PLEKHA7: variants seen among roughly 807,000 people sequenced by gnomAD.
The protein encoded by PLEKHA7 is pleckstrin homology domain containing A7.
PLEKHA7 carries 104 observed loss-of-function variants against 170.0 expected under a neutral mutation model. The ratio of observed to expected loss-of-function variants is 0.61; its 90% CI spans 0.52 to 0.72. The LOEUF (loss-of-function observed/expected upper bound fraction) is 0.72, where lower values mean the gene tolerates loss of function less well. Ranked by LOEUF, PLEKHA7 falls within the 30% of genes least tolerant of loss-of-function variation. The probability of loss-of-function intolerance (pLI) is 0.00; values close to 1 mark genes in which losing one functional copy is unlikely to be tolerated. For synonymous variants in PLEKHA7, 648 were observed against 660.8 expected (o/e 0.98, Z 0.30); for missense variants, 1,615 against 1,671.7 (o/e 0.97, Z 0.59).
At chr11:16,853,493 C>T (rs1853158720) in intron 6 of PLEKHA7, among the ~76,000 whole-genome samples, 1 of 152,230 alleles carries the variant, frequency 6.6e-6, no homozygotes, top group African/African-American at 2.4e-5. Context: ...CTCCGGGAAG[C>T]CCTTCTGGAC....
rs183211436 is a variant in PLEKHA7, at chr11:16,901,088, C to T, written c.222-29906G>A. On this transcript the variant is annotated intron_variant, in intron 3 of 26. Coordinates refer to ENST00000531066, the MANE Select transcript of PLEKHA7 (RefSeq NM_001329630.2). ...TCTCGAACTCCTGACCTCAGGTGAT[C>T]CGCCTGCCTCGACCTCCCGAAGTGC... is the stretch of plus-strand genomic sequence containing the variant. Among the ~76,000 whole-genome samples, 243 of 152,248 alleles carry T rather than the reference C, an allele frequency of 1.6e-3. 3 individuals are homozygous for T. In the East Asian group the frequency reaches 0.042, roughly 27 times the overall value.
At chr11:16,880,372 G>A (rs1483929603) in intron 3 of PLEKHA7, among the ~76,000 whole-genome samples, 1 of 152,196 alleles carries the variant, frequency 6.6e-6, no homozygotes, top group Non-Finnish European at 1.5e-5. Flanking sequence ...GTAAAGAAAA[G>A]ATTAATTCCG....
At chr11:16,873,718 G>C (rs190257297) in intron 3 of PLEKHA7, among the ~76,000 whole-genome samples, 1 of 152,326 alleles carries the variant, frequency 6.6e-6, no homozygotes, top group East Asian at 1.9e-4. Context: ...CCAGGCTGGA[G>C]TGCAATGGCG....
chr11:16,835,702 G>T (rs1476972687), intron 9 of PLEKHA7, among the ~76,000 whole-genome samples: 3 of 152,194 alleles, frequency 2.0e-5, no homozygotes, highest in East Asian at 1.9e-4. Flanking sequence ...TGCATAATTT[G>T]CACAAGATGA....
chr11:16,783,432 C>G (rs967145777), intron 25 of PLEKHA7, among the ~76,000 whole-genome samples: 1 of 152,190 alleles, frequency 6.6e-6, no homozygotes, highest in Non-Finnish European at 1.5e-5. Context: ...TCCACACTTG[C>G]TAGGGTCACT....
At chr11:16,861,486 G>A (rs1057502798) in intron 4 of PLEKHA7, among the ~76,000 whole-genome samples, 3 of 151,990 alleles carry the variant, frequency 2.0e-5, no homozygotes, top group Admixed American at 6.5e-5. Flanking sequence ...CCGTCTCTAT[G>A]AAAAATACAA....
chr11:16,830,033 C>T (rs1850985497), intron 9 of PLEKHA7, among the ~76,000 whole-genome samples: 1 of 151,944 alleles, frequency 6.6e-6, no homozygotes, highest in Admixed American at 6.6e-5. Context: ...GGCTGGAATG[C>T]ACTAGCGTGA....
intron 10 of PLEKHA7, among the ~76,000 whole-genome samples, chr11:16,825,138 AG>A (rs1366515577): frequency 6.6e-6 from 1 of 152,264 alleles, no homozygotes; most frequent in East Asian, 1.9e-4. Context: ...ACAACTGCCC[AG>A]CTGGACCAGA....
intron 3 of PLEKHA7, among the ~76,000 whole-genome samples, chr11:16,964,490 G>A (rs1201196576): frequency 6.6e-6 from 1 of 152,128 alleles, no homozygotes; most frequent in Non-Finnish European, 1.5e-5. Context: ...CTGTACCCAA[G>A]CCTAGGAAAC....
In PLEKHA7 at chr11:16,838,693, C is replaced by CTTTT. The variant is rs869209891; in HGVS notation, c.872+2850_872+2853dup. 4.3e-3 allele frequency among the ~76,000 whole-genome samples: 465 copies of CTTTT among 107,822 alleles called. 4 individuals are homozygous for CTTTT. Among genetic ancestry groups the CTTTT allele is most frequent in the East Asian group, 8.0e-3 (28 of 3,514 alleles). The allele number at this position is 107,822 out of a possible 152,430, so 70.7% of individuals were successfully genotyped here. On this transcript the variant is annotated intron_variant, in intron 9 of 26. Coordinates refer to ENST00000531066, the MANE Select transcript of PLEKHA7 (RefSeq NM_001329630.2). ...ACTCACTAGTGAAATACACAGTTTT[C>CTTTT]TTTTTTTTTTTTTTTTTTTTTGAGA...
intron 3 of PLEKHA7, among the ~76,000 whole-genome samples, chr11:16,925,009 C>T (rs778453048): frequency 2.0e-5 from 3 of 152,214 alleles, no homozygotes; most frequent in African/African-American, 4.8e-5. Context: ...TGACCCCTTA[C>T]CTCCTCCGTA....
At chr11:16,906,322 C>T (rs1350666656) in intron 3 of PLEKHA7, among the ~76,000 whole-genome samples, 6 of 131,410 alleles carry the variant, frequency 4.6e-5, no homozygotes, top group African/African-American at 1.9e-4. Flanking sequence ...CCTCTCCCTC[C>T]TCTCACTCTC....
intron 3 of PLEKHA7, among the ~76,000 whole-genome samples, chr11:16,961,135 C>G (rs1015014309): frequency 6.6e-6 from 1 of 152,200 alleles, no homozygotes; most frequent in African/African-American, 2.4e-5. Context: ...AAACACAAAA[C>G]CCTCAAGTTT....
intron 3 of PLEKHA7, among the ~76,000 whole-genome samples, chr11:16,961,656 C>T (rs1862068009): frequency 6.6e-6 from 1 of 152,216 alleles, no homozygotes; most frequent in Admixed American, 6.5e-5. Flanking sequence ...ACCCTGGCAT[C>T]ATCAAAGTGA....
intron 3 of PLEKHA7, among the ~76,000 whole-genome samples, chr11:16,958,862 A>G (rs1283284781): frequency 6.6e-6 from 1 of 152,170 alleles, no homozygotes; most frequent in Non-Finnish European, 1.5e-5. Flanking sequence ...AAGAAGAAAG[A>G]TGAACACTGT....
intron 3 of PLEKHA7, among the ~76,000 whole-genome samples, chr11:16,911,583 T>G (rs1020635592): frequency 6.6e-6 from 1 of 152,100 alleles, no homozygotes; most frequent in Admixed American, 6.5e-5. Flanking sequence ...TGTCCCTTAT[T>G]GACTCCTCTG....
At chr11:16,779,746 A>G (rs1186680617) in intron 26 of PLEKHA7, among the ~76,000 whole-genome samples, 1 of 152,150 alleles carries the variant, frequency 6.6e-6, no homozygotes, top group Non-Finnish European at 1.5e-5. Context: ...GACACCTGCC[A>G]AAAAATCATG....
At chr11:16,798,143 AT>A (rs1282010356) in intron 17 of PLEKHA7, among the ~76,000 whole-genome samples, 15 of 152,330 alleles carry the variant, frequency 9.8e-5, no homozygotes, top group Non-Finnish European at 1.5e-5. Flanking sequence ...AGGGAGGCGA[AT>A]TTCTAAGCCC....
At chr11:16,982,780 T>TACAC (rs35725815) in intron 3 of PLEKHA7, among the ~76,000 whole-genome samples, 61,387 of 143,720 alleles carry the variant, frequency 0.43, 13,503 homozygotes, top group African/African-American at 0.49. Context: ...CACTATCCCC[T>TACAC]ACACACACAC....
Sources: gnomAD v4.1 joint callset for allele counts (sites outside exome capture counted in the v4.1 genomes callset) on GRCh38, gnomAD v4.1.1 for gene constraint, MANE v1.5 for transcripts, NCBI Gene and HGNC (gene_info 2026-07-23, HGNC 2026-07-21) for gene names.